Variants in SDC2 observed in about 807,000 individuals in gnomAD.
SDC2 encodes syndecan 2.
In SDC2, 13 loss-of-function variants were observed where a neutral mutation model predicts 22.2. The observed-to-expected ratio is 0.59, with a 90% CI of 0.38 to 0.93. The LOEUF is 0.93. Among genes scored for constraint, SDC2 ranks in the 40% least tolerant of loss-of-function variants. The probability of loss-of-function intolerance (pLI) is 0.00; values close to 1 mark genes in which losing one functional copy is unlikely to be tolerated. For synonymous variants in SDC2, 94 were observed against 92.8 expected (o/e 1.01, Z -0.07); for missense variants, 235 against 246.8 (o/e 0.95, Z 0.32).
chr8:96,497,630 A>G (rs1263229254), intron 1 of SDC2, among the ~76,000 whole-genome samples: 5 of 152,214 alleles, frequency 3.3e-5, no homozygotes. Context: ...AAAAGCCCCC[A>G]GAGACCTGAC....
At chr8:96,557,696 A>G (rs1482371232) in intron 1 of SDC2, among the ~76,000 whole-genome samples, 9 of 152,164 alleles carry the variant, frequency 5.9e-5, no homozygotes, top group Non-Finnish European at 7.3e-5. Context: ...TAGTGGGTGC[A>G]GCGCACCAGC....
chr8:96,494,602 C>T (rs1315484318), intron 1 of SDC2, among the ~76,000 whole-genome samples: 1 of 152,132 alleles, frequency 6.6e-6, no homozygotes, highest in Non-Finnish European at 1.5e-5. Flanking sequence ...CCTGAAGTCA[C>T]TCCCAACTTC....
At chr8:96,517,906 C>G (rs1341325877) in intron 1 of SDC2, among the ~76,000 whole-genome samples, 1 of 152,022 alleles carries the variant, frequency 6.6e-6, no homozygotes, top group Admixed American at 6.6e-5. Flanking sequence ...AAGACGTTAA[C>G]TACACCAGGA....
At chr8:96,513,561 C>T (rs532910205) in intron 1 of SDC2, among the ~76,000 whole-genome samples, 124 of 152,270 alleles carry the variant, frequency 8.1e-4, no homozygotes, top group African/African-American at 2.8e-3. Flanking sequence ...GAATATAAAC[C>T]AGCTTTAGCA....
chr8:96,601,505 G>T (rs762650530), intron 2 of SDC2, among the ~76,000 whole-genome samples: 1 of 151,630 alleles, frequency 6.6e-6, no homozygotes, highest in Non-Finnish European at 1.5e-5. Flanking sequence ...GCTGGGTGTC[G>T]TAGCATGCGC....
chr8:96,608,750 TAG>T (rs1815127282), intron 4 of SDC2, among the ~76,000 whole-genome samples: 1 of 152,200 alleles, frequency 6.6e-6, no homozygotes, highest in African/African-American at 2.4e-5. Context: ...CAACTGGATG[TAG>T]AGAGATGGCA....
At chr8:96,562,103 C>T (rs1363412924) in intron 1 of SDC2, among the ~76,000 whole-genome samples, 2 of 152,126 alleles carry the variant, frequency 1.3e-5, no homozygotes, top group Non-Finnish European at 2.9e-5. Context: ...CCCCATTGAT[C>T]TTCTAGGCAT....
intron 1 of SDC2, among the ~76,000 whole-genome samples, chr8:96,500,389 C>T (rs1325690513): frequency 1.3e-5 from 2 of 151,860 alleles, no homozygotes; most frequent in Non-Finnish European, 2.9e-5. Flanking sequence ...TGGCCTGGCG[C>T]GATATCTCAT....
chr8:96,522,988 T>A (rs1813520524), intron 1 of SDC2, among the ~76,000 whole-genome samples: 3 of 152,330 alleles, frequency 2.0e-5, no homozygotes, highest in African/African-American at 7.2e-5. Flanking sequence ...CACTGCTTGT[T>A]ACTTGGCGTT....
chr8:96,582,923 C>A (rs1814613303), intron 1 of SDC2, among the ~76,000 whole-genome samples: 1 of 152,086 alleles, frequency 6.6e-6, no homozygotes, highest in Non-Finnish European at 1.5e-5. Flanking sequence ...GGTTATTAGA[C>A]CCAGGAATTT....
chr8:96,512,006 G>A (rs1387221987), intron 1 of SDC2, among the ~76,000 whole-genome samples: 2 of 152,114 alleles, frequency 1.3e-5, no homozygotes, highest in Non-Finnish European at 2.9e-5. Flanking sequence ...GTGCTCACAC[G>A]CAGTTCTTAC....
At chr8:96,584,001 C>T (rs1179118872) in intron 1 of SDC2, among the ~76,000 whole-genome samples, 1 of 152,128 alleles carries the variant, frequency 6.6e-6, no homozygotes, top group Non-Finnish European at 1.5e-5. Flanking sequence ...GAAGAAACAT[C>T]TGGTCAAATA....
rs117552743 is a variant in SDC2, at chr8:96,563,189, C to G, written c.61-30291C>G. Among the ~76,000 whole-genome samples, 227 of 152,286 alleles carry G rather than the reference C, an allele frequency of 1.5e-3. 5 individuals are homozygous for G. The East Asian group carries it at 0.038, about 25-fold the overall frequency. On this transcript the variant is annotated intron_variant, in intron 1 of 4. Coordinates refer to ENST00000302190, the MANE Select transcript of SDC2 (RefSeq NM_002998.4). ...AAATCTCTCCCTTGCCTGTATTCAG[C>G]CTTGCTGGGATCAGCTGTCTTGACA...
chr8:96,598,198 C>G (rs1053013856), intron 2 of SDC2, among the ~76,000 whole-genome samples: 1 of 152,190 alleles, frequency 6.6e-6, no homozygotes, highest in African/African-American at 2.4e-5. Context: ...CCATGAGGGC[C>G]CTGCCCCCAT....
intron 1 of SDC2, among the ~76,000 whole-genome samples, chr8:96,558,899 G>A (rs961917965): frequency 6.6e-6 from 1 of 152,002 alleles, no homozygotes; most frequent in Non-Finnish European, 1.5e-5. Context: ...AGTGATGCAC[G>A]GTAGTAAAGA....
intron 1 of SDC2, among the ~76,000 whole-genome samples, chr8:96,582,216 TAAA>T (rs1053050935): frequency 3.3e-5 from 5 of 151,704 alleles, no homozygotes; most frequent in African/African-American, 1.2e-4. Context: ...TTTACTTGGT[TAAA>T]AATTTTGGCC....
chr8:96,532,671 AAC>A (rs1477819477), intron 1 of SDC2, among the ~76,000 whole-genome samples: 2 of 152,062 alleles, frequency 1.3e-5, no homozygotes, highest in African/African-American at 4.8e-5. Context: ...CCCCCAAAAA[AAC>A]ACACTGTGAG....
intron 1 of SDC2, among the ~76,000 whole-genome samples, chr8:96,529,558 T>G (rs954950144): frequency 3.3e-5 from 5 of 152,230 alleles, no homozygotes; most frequent in Admixed American, 3.3e-4. Flanking sequence ...TTTCACATTA[T>G]GGAAATATCC....
intron 1 of SDC2, among the ~76,000 whole-genome samples, chr8:96,525,744 T>C (rs1489944019): frequency 6.6e-6 from 1 of 151,960 alleles, no homozygotes; most frequent in Non-Finnish European, 1.5e-5. Context: ...TTTGTTGGAG[T>C]TTTCTTTTCC....
Sources: allele counts gnomAD v4.1 joint callset (sites outside exome capture counted in the v4.1 genomes callset), GRCh38; gene constraint gnomAD v4.1.1; transcripts MANE v1.5; gene names NCBI Gene and HGNC (gene_info 2026-07-23, HGNC 2026-07-21).